Variants in SRPRB observed in about 807,000 individuals in gnomAD.
SRPRB encodes signal recognition particle receptor subunit beta.
SRPRB carries 20 observed loss-of-function variants against 31.9 expected under a neutral mutation model. The ratio of observed to expected loss-of-function variants is 0.63; its 90% CI spans 0.44 to 0.91. The LOEUF is 0.91. SRPRB is among the 40% of genes least tolerant of loss of function. SRPRB has a pLI of 0.00. For synonymous variants in SRPRB, 146 were observed against 132.8 expected, an observed-to-expected ratio of 1.10 and a Z score of -0.68; for missense variants, 321 against 324.9, an observed-to-expected ratio of 0.99 and a Z score of 0.09.
chr3:133,795,151 A>T (rs1224992187), intron 1 of SRPRB: 1 of 152,198 alleles, frequency 6.6e-6, no homozygotes, highest in Non-Finnish European at 1.5e-5. Flanking sequence ...TATTATAGAG[A>T]TTCAGTTGTA....
downstream of SRPRB, chr3:133,824,154 G>A (rs529081471): frequency 6.6e-6 from 1 of 152,364 alleles, no homozygotes; most frequent in East Asian, 1.9e-4. Context: ...TGACAAAAGG[G>A]ACTCTGTGGA....
chr3:133,811,494 A>C (rs1014236673), intron 4 of SRPRB, among the ~76,000 whole-genome samples: 3 of 152,182 alleles, frequency 2.0e-5, no homozygotes, highest in Non-Finnish European at 4.4e-5. Flanking sequence ...AATAATGTAT[A>C]TGACTATTAA....
At chr3:133,802,164 G>C (rs553293498), upstream of SRPRB, among the ~76,000 whole-genome samples, 1 of 152,164 alleles carries the variant, frequency 6.6e-6, no homozygotes, top group Non-Finnish European at 1.5e-5. Context: ...CACCACTCTG[G>C]GGGGCTGAAG....
chr3:133,793,169 C>T (rs1457615053), intron 1 of SRPRB: 3 of 151,230 alleles, frequency 2.0e-5, no homozygotes, highest in Admixed American at 1.3e-4. Flanking sequence ...ACCCCCCCAC[C>T]AAAAAAAAGG....
In SRPRB at chr3:133,820,874, C is replaced by G. The variant is rs1269142804; in HGVS notation, c.*1108C>G. The G allele has an allele frequency of 6.6e-6, 1 of 152,214 alleles. No individual in the cohort carries two copies. The highest frequency in any genetic ancestry group is 1.5e-5 in the Non-Finnish European group (1 of 68,086). The allele number at this position is 152,214 out of a possible 1,614,324, so 9.4% of individuals were successfully genotyped here. ...CTAAAGATTGCAACATACACAAGAA[C>G]ACACTCCTATTCCTACCCCACACAC... On this transcript the variant is annotated 3_prime_UTR_variant, in exon 7 of 7. Transcript: ENST00000678299.
At chr3:133,791,589 C>G (rs2107953737) in intron 1 of SRPRB, 1 of 152,332 alleles carries the variant, frequency 6.6e-6, no homozygotes, top group Admixed American at 6.5e-5. Context: ...TGTAGTGAAT[C>G]TGGTGTGCTT....
intron 5 of SRPRB, 122 bp downstream of exon 5, chr3:133,815,848 T>C: frequency 2.5e-6 from 3 of 1,193,358 alleles, no homozygotes; most frequent in Non-Finnish European, 3.5e-6. Flanking sequence ...TAAAGAACTA[T>C]AAATTGAAGG....
chr3:133,817,626 A>G (rs865943984), intron 6 of SRPRB, among the ~76,000 whole-genome samples: 1 of 152,236 alleles, frequency 6.6e-6, no homozygotes, highest in Non-Finnish European at 1.5e-5. Flanking sequence ...GAAATGATCA[A>G]CATTTATAGT....
downstream of SRPRB, chr3:133,826,929 ATCTC>A (rs540396560): frequency 3.7e-4 from 57 of 152,796 alleles, no homozygotes; most frequent in African/African-American, 9.6e-4. Context: ...ACACAAGTCT[ATCTC>A]TATATATAAT....
At chr3:133,809,538 C>G (rs1221321171) in intron 3 of SRPRB, among the ~76,000 whole-genome samples, 1 of 151,554 alleles carries the variant, frequency 6.6e-6, no homozygotes, top group Non-Finnish European at 1.5e-5. Context: ...TTTTTAAACT[C>G]CCAAGGATTC....
chr3:133,788,831 A>AGGCGACGGAAACCCTACTTGACT (rs1934757848), intron 1 of SRPRB: 1 of 152,266 alleles, frequency 6.6e-6, no homozygotes, highest in Non-Finnish European at 1.5e-5. Flanking sequence ...CATGTGTTTC[A>AGGCGACGGAAACCCTACTTGACT]GGCGACGGAA....
chr3:133,789,886 T>A (rs1233104871), intron 1 of SRPRB: 1 of 42,244 alleles, frequency 2.4e-5, no homozygotes, highest in Non-Finnish European at 6.9e-5. Flanking sequence ...TGCGTTTTTT[T>A]TTTTTTTTTT....
Position 133,805,824 on chromosome 3 carries a change from G to C in SRPRB, c.-25G>C. ...AGTGCAGGGCCACGTCGCTTTTGCT[G>C]TACCGGGGACCACGCGTCTCATCCA... On this transcript the variant is annotated 5_prime_UTR_variant, in exon 1 of 7. Coordinates refer to ENST00000678299, the MANE Select transcript of SRPRB (RefSeq NM_001379313.1). 6.3e-7 allele frequency: 1 copy of C among 1,593,272 alleles called. No homozygotes were observed.
At chr3:133,799,694 A>G (rs1935033980) in intron 1 of SRPRB, among the ~76,000 whole-genome samples, 1 of 152,196 alleles carries the variant, frequency 6.6e-6, no homozygotes, top group Admixed American at 6.5e-5. Flanking sequence ...TTTAAGGTCT[A>G]AGGAAAGTAT....
chr3:133,806,312 G>A (rs1039381750), intron 1 of SRPRB, among the ~76,000 whole-genome samples: 1 of 152,200 alleles, frequency 6.6e-6, no homozygotes, highest in African/African-American at 2.4e-5. Flanking sequence ...AAAGACTCAG[G>A]GTCTTGACAC....
chr3:133,828,240 C>A, downstream of SRPRB: 1 of 518,192 alleles, frequency 1.9e-6, no homozygotes, highest in Non-Finnish European at 3.5e-6. Flanking sequence ...TGTGTTCAAC[C>A]AATGTTTGAT....
chr3:133,805,682 G>A (rs1377786014), upstream of SRPRB: 10 of 743,328 alleles, frequency 1.3e-5, no homozygotes, highest in Middle Eastern at 3.9e-4. Context: ...GTAGGAGGAC[G>A]GAGTCCCAGA....
intron 2 of SRPRB, 142 bp downstream of exon 2, chr3:133,806,845 C>T: frequency 3.2e-6 from 2 of 617,322 alleles, no homozygotes; most frequent in South Asian, 2.4e-5. Flanking sequence ...CTTGGGAGAA[C>T]AAAAAGACTC....
intron 1 of SRPRB, chr3:133,786,858 TG>T (rs1347265931): frequency 6.6e-6 from 1 of 152,254 alleles, no homozygotes. Flanking sequence ...TCTATGTAGA[TG>T]TTCAGAATTG....
Sources: gnomAD v4.1 joint callset for allele counts (sites outside exome capture counted in the v4.1 genomes callset) on GRCh38, gnomAD v4.1.1 for gene constraint, MANE v1.5 for transcripts, NCBI Gene and HGNC (gene_info 2026-07-23, HGNC 2026-07-21) for gene names.